UBE2G2: variants seen among roughly 807,000 people sequenced by gnomAD.
The protein encoded by UBE2G2 is ubiquitin conjugating enzyme E2 G2.
In UBE2G2, 10 loss-of-function variants were observed where a neutral mutation model predicts 23.0. The observed-to-expected ratio is 0.43, with a 90% CI of 0.27 to 0.74. UBE2G2 has a LOEUF of 0.74. Ranked by LOEUF, UBE2G2 falls within the 30% of genes least tolerant of loss-of-function variation. The probability of loss-of-function intolerance (pLI) is 0.19; values close to 1 mark genes in which losing one functional copy is unlikely to be tolerated. For missense variants in UBE2G2, 150 were observed against 218.3 expected, an observed-to-expected ratio of 0.69 and a Z score of 1.97; for synonymous variants, 86 against 81.3, an observed-to-expected ratio of 1.06 and a Z score of -0.31.
At chr21:44,787,627 C>T (rs1250064240) in intron 3 of UBE2G2, among the ~76,000 whole-genome samples, 2 of 152,190 alleles carry the variant, frequency 1.3e-5, no homozygotes, top group Non-Finnish European at 2.9e-5. Flanking sequence ...TTATTTTAAC[C>T]ACGATCATAC....
rs147394002 is a variant in UBE2G2 at position 44,800,333 on chromosome 21, T to A, written c.43+1373A>T. 476 of 152,274 alleles carry A rather than the reference T, an allele frequency of 3.1e-3. 7 individuals are homozygous for A. Among genetic ancestry groups the A allele is most frequent in the African/African-American group, 0.011 (452 of 41,548 alleles). 9.4% of individuals were successfully genotyped at this position (152,274 alleles called of 1,614,324 possible). A position where few individuals can be genotyped will look rare whatever the true frequency, so the allele number is the denominator to read the frequency against. On this transcript the variant is annotated intron_variant, in intron 1 of 5. Transcript: ENST00000345496. ...GAACGTTTACAGGAGGCCCTGTGTATCTGCGGCTGCATATCCATGGATTCG... is the reference window on the plus strand; with the variant it reads ...GAACGTTTACAGGAGGCCCTGTGTAACTGCGGCTGCATATCCATGGATTCG...
rs1555959895 is a variant in UBE2G2 at position 44,771,374 on chromosome 21, G to A, written c.*3C>T. 2.5e-6 allele frequency: 4 copies of A among 1,612,082 alleles called. No homozygotes were observed. The highest frequency in any genetic ancestry group is 3.4e-6 in the Non-Finnish European group (4 of 1,179,646). ...TGTGTGCGCGCCTGTGCGAGGCCAG[G>A]TCTCACAGTCCCAGAGACTTCTGGA... On this transcript the variant is annotated 3_prime_UTR_variant, in exon 6 of 6. Transcript: ENST00000345496. This position sits in a 1 kb window ranked among gnomAD's most constrained non-coding sequence, Gnocchi z 4.6.
At position 44,772,439 on chromosome 21, in the gene UBE2G2, C is replaced by T. The variant is rs532475340; in HGVS notation, c.386-950G>A. Among the ~76,000 whole-genome samples the T allele has an allele frequency of 5.3e-5, 8 of 152,144 alleles. No homozygotes were observed. Among genetic ancestry groups the T allele is most frequent in the Non-Finnish European group, 8.8e-5 (6 of 68,004 alleles). On this transcript the variant is annotated intron_variant, in intron 5 of 5. Coordinates refer to ENST00000345496, the MANE Select transcript of UBE2G2 (RefSeq NM_003343.6). This position sits in a 1 kb window ranked among gnomAD's most constrained non-coding sequence, Gnocchi z 5.4. ...GCCTCACTCTGGCATCGACCCCTGG[C>T]CCTCTGCTGGGTCTGCTCTTTCCTT...
At chr21:44,774,631 T>C (rs2082899759) in intron 4 of UBE2G2, 4 of 426,266 alleles carry the variant, frequency 9.4e-6, no homozygotes, top group Admixed American at 5.3e-5. Flanking sequence ...GTTTCAGTGG[T>C]GAACGTTCAG....
At chr21:44,775,420 C>G (rs1569293494) in intron 4 of UBE2G2, 2 of 152,222 alleles carry the variant, frequency 1.3e-5, no homozygotes, top group Non-Finnish European at 2.9e-5. Flanking sequence ...CCACTGTATA[C>G]CAGCAACTTT....
In UBE2G2 at chr21:44,771,354, G is replaced by A. The variant is rs2082872736; in HGVS notation, c.*23C>T. On this transcript the variant is annotated 3_prime_UTR_variant, in exon 6 of 6. Transcript: ENST00000345496. The surrounding 1 kb of genome is among the most constrained non-coding windows in gnomAD (Gnocchi z 4.6). ...AATGCTGAGCTGCTTGGCGGTGTGT[G>A]CGCGCCTGTGCGAGGCCAGGTCTCA... 1 of 1,603,612 alleles carries A rather than the reference G, an allele frequency of 6.2e-7. No homozygotes were observed. The highest frequency in any genetic ancestry group is 8.5e-7 in the Non-Finnish European group (1 of 1,173,012).
intron 3 of UBE2G2, chr21:44,779,337 G>A (rs1487354331): frequency 1.0e-5 from 2 of 197,744 alleles, no homozygotes; most frequent in Non-Finnish European, 2.1e-5. Context: ...GAAGAAGATA[G>A]CGAATATGGC....
intron 1 of UBE2G2, among the ~76,000 whole-genome samples, chr21:44,793,606 C>T (rs1285380471): frequency 3.5e-5 from 5 of 141,878 alleles, no homozygotes; most frequent in Non-Finnish European, 4.5e-5. Context: ...AGCATATACA[C>T]GCGTACACAA....
chr21:44,785,165 A>G (rs572201302), intron 3 of UBE2G2, among the ~76,000 whole-genome samples: 2 of 152,330 alleles, frequency 1.3e-5, no homozygotes, highest in East Asian at 3.9e-4. Context: ...AAAGAGAGGC[A>G]AAGTGACTGG....
At chr21:44,791,165 G>C (rs774787464) in intron 1 of UBE2G2, among the ~76,000 whole-genome samples, 1 of 152,030 alleles carries the variant, frequency 6.6e-6, no homozygotes, top group Non-Finnish European at 1.5e-5. Flanking sequence ...AAGAAAGCAG[G>C]GAATAAAAGT....
rs1318085302 is a variant in UBE2G2 at position 44,771,235 on chromosome 21, G to A, written c.*142C>T. On this transcript the variant is annotated 3_prime_UTR_variant, in exon 6 of 6. Coordinates refer to ENST00000345496, the MANE Select transcript of UBE2G2 (RefSeq NM_003343.6). This position sits in a 1 kb window ranked among gnomAD's most constrained non-coding sequence, Gnocchi z 4.6. ...AGAGAAGCCTGTTTGAAGTAGGAAA[G>A]GTTTGAAAAAAAAAAAAGATGCCAT... The A allele has an allele frequency of 4.3e-6, 3 of 700,224 alleles. No homozygotes were observed. The highest frequency in any genetic ancestry group is 7.1e-6 in the Non-Finnish European group (3 of 420,266). The allele number at this position is 700,224 out of a possible 1,614,324, so 43.4% of individuals were successfully genotyped here.
intron 3 of UBE2G2, among the ~76,000 whole-genome samples, chr21:44,782,139 C>G (rs1555961414): frequency 1.3e-5 from 2 of 152,058 alleles, no homozygotes; most frequent in South Asian, 4.1e-4. Flanking sequence ...AAAGCAAATA[C>G]CTCCCTCACT....
intron 1 of UBE2G2, among the ~76,000 whole-genome samples, chr21:44,794,936 A>T (rs1239332472): frequency 6.6e-6 from 1 of 152,214 alleles, no homozygotes; most frequent in East Asian, 1.9e-4. Flanking sequence ...ACGTGAAATG[A>T]TGCTCAACAT....
chr21:44,797,781 T>C (rs1470742361), intron 1 of UBE2G2, among the ~76,000 whole-genome samples: 2 of 93,512 alleles, frequency 2.1e-5, no homozygotes, highest in Non-Finnish European at 4.7e-5. Context: ...ACCCTAGAAA[T>C]AGGGCTAAAA....
chr21:44,788,436 C>T (rs1353714576), intron 1 of UBE2G2, among the ~76,000 whole-genome samples: 1 of 151,728 alleles, frequency 6.6e-6, no homozygotes, highest in Admixed American at 6.6e-5. Flanking sequence ...ACTACAGGCG[C>T]CCACCACCAC....
Position 44,773,838 on chromosome 21 carries a change from G to A in UBE2G2, c.245-151C>T, listed in dbSNP as rs372865522. 1.1e-4 allele frequency: 123 copies of A among 1,074,874 alleles called. No homozygotes were observed. In the African/African-American group the frequency reaches 1.8e-3, roughly 15 times the overall value. 66.6% of individuals were successfully genotyped at this position (1,074,874 alleles called of 1,614,324 possible). Reference sequence around the variant, plus strand: ...TGGGGCATAGCCTGGGGCCCTGAGTGTCACGCTTCATGTCTGCAGGAATCC... The same window carrying A: ...TGGGGCATAGCCTGGGGCCCTGAGTATCACGCTTCATGTCTGCAGGAATCC... On this transcript the variant is annotated intron_variant, in intron 4 of 5. Coordinates refer to ENST00000345496, the MANE Select transcript of UBE2G2 (RefSeq NM_003343.6).
At chr21:44,776,666 C>T (rs2082915834) in intron 4 of UBE2G2, among the ~76,000 whole-genome samples, 3 of 152,174 alleles carry the variant, frequency 2.0e-5, no homozygotes, top group South Asian at 4.1e-4. Flanking sequence ...GCACATCTTT[C>T]CCGTGCTGTT....
intron 3 of UBE2G2, among the ~76,000 whole-genome samples, chr21:44,781,526 C>T (rs757494832): frequency 6.6e-6 from 1 of 152,212 alleles, no homozygotes; most frequent in Non-Finnish European, 1.5e-5. Context: ...GTGCTTGTGG[C>T]TGTGCCAGGC....
At chr21:44,799,576 C>T (rs1268827730) in intron 1 of UBE2G2, among the ~76,000 whole-genome samples, 1 of 152,228 alleles carries the variant, frequency 6.6e-6, no homozygotes, top group African/African-American at 2.4e-5. Context: ...TCTCAGCCTT[C>T]ATAAAACTGA....
Sources: allele counts gnomAD v4.1 joint callset (sites outside exome capture counted in the v4.1 genomes callset), GRCh38; gene constraint gnomAD v4.1.1; non-coding constraint Gnocchi (gnomAD v3.1); transcripts MANE v1.5; gene names NCBI Gene and HGNC (gene_info 2026-07-23, HGNC 2026-07-21).